SLC24A1: variants seen among roughly 807,000 people sequenced by gnomAD.
SLC24A1 encodes the protein solute carrier family 24 member 1.
Under a neutral mutation model 88.1 loss-of-function variants are expected in SLC24A1, and 52 were observed. That is an observed-to-expected ratio of 0.59 (90% confidence interval 0.47 to 0.74). SLC24A1 has a LOEUF of 0.74. SLC24A1 is among the 30% of genes least tolerant of loss of function. SLC24A1 has a pLI of 0.00. For synonymous variants in SLC24A1, 455 were observed against 498.0 expected, an observed-to-expected ratio of 0.91 and a Z score of 1.15; for missense variants, 1,173 against 1,363.3, an observed-to-expected ratio of 0.86 and a Z score of 2.20.
chr15:65,617,898 G>A (rs1036436450), upstream of SLC24A1, among the ~76,000 whole-genome samples: 1 of 151,966 alleles, frequency 6.6e-6, no homozygotes, highest in African/African-American at 2.4e-5. Flanking sequence ...CTAGAGACAG[G>A]GTCTTGCTAT....
intron 4 of SLC24A1, among the ~76,000 whole-genome samples, chr15:65,642,229 C>A (rs947770338): frequency 1.3e-5 from 2 of 152,174 alleles, no homozygotes; most frequent in African/African-American, 4.8e-5. Flanking sequence ...AGATGGCCGT[C>A]CAGATGTTTC....
At chr15:65,657,401 G>A (rs2075717246), downstream of SLC24A1, among the ~76,000 whole-genome samples, 1 of 152,118 alleles carries the variant, frequency 6.6e-6, no homozygotes, top group African/African-American at 2.4e-5. Flanking sequence ...CAGCACTTTG[G>A]GAGGCCAAGG....
At chr15:65,623,377 C>G (rs1352513679) in intron 1 of SLC24A1, among the ~76,000 whole-genome samples, 1 of 152,164 alleles carries the variant, frequency 6.6e-6, no homozygotes. Context: ...TCCCCATGAT[C>G]CTCCCACCAT....
chr15:65,611,551 A>T (rs533866234), exon 1 of SLC24A1: 2 of 265,032 alleles, frequency 7.5e-6, no homozygotes, highest in Non-Finnish European at 1.5e-5. Flanking sequence ...CACGAGCCCA[A>T]CCCTTCCTGC....
intron 2 of SLC24A1, among the ~76,000 whole-genome samples, chr15:65,637,456 A>T (rs1596326190): frequency 6.6e-6 from 1 of 152,248 alleles, no homozygotes; most frequent in African/African-American, 2.4e-5. Flanking sequence ...TTGAGTAGGC[A>T]GAAAGGAATG....
chr15:65,638,064 A>G (rs1362309483), intron 2 of SLC24A1, 64 bp from the exon 3 acceptor site: 7 of 1,127,644 alleles, frequency 6.2e-6, no homozygotes, highest in Non-Finnish European at 9.3e-6. Flanking sequence ...CCGTGGAGAA[A>G]GGGATGTAGG....
Position 65,625,845 on chromosome 15 carries a change from C to T in SLC24A1, c.1765C>T (p.Leu589=). The part of the protein sequence containing the change: ...SLIAWWESLL[L]LLAYAFYVFT... ...CATTGCCTGGTGGGAGAGCCTGCTG[C>T]TGCTGCTGGCCTATGCCTTCTATGT... The change falls in exon 2 of 10, where the codon CTG becomes TTG. Residue 589 remains leucine, a synonymous_variant. Coordinates refer to ENST00000261892, the MANE Select transcript of SLC24A1 (RefSeq NM_004727.3). 1.2e-6 allele frequency: 2 copies of T among 1,614,042 alleles called. No individual in the cohort carries two copies. Among genetic ancestry groups the T allele is most frequent in the Non-Finnish European group, 1.7e-6 (2 of 1,179,884 alleles).
At chr15:65,656,505 G>A (rs371708576), downstream of SLC24A1, among the ~76,000 whole-genome samples, 184 of 152,254 alleles carry the variant, frequency 1.2e-3, 3 homozygotes, top group South Asian at 0.037. Flanking sequence ...ATTTACAAAC[G>A]TACTATAATA....
At chr15:65,652,191 G>T in intron 8 of SLC24A1, 1 of 310,818 alleles carries the variant, frequency 3.2e-6, no homozygotes, top group Non-Finnish European at 6.2e-6. Context: ...TTGTTTACTA[G>T]CTTTCCTCTC....
chr15:65,613,362 T>G (rs2074031790), intron 2 of SLC24A1, among the ~76,000 whole-genome samples: 1 of 152,180 alleles, frequency 6.6e-6, no homozygotes, highest in Non-Finnish European at 1.5e-5. Flanking sequence ...TCTAGATATC[T>G]CAATCTCCCA....
intron 3 of SLC24A1, 59 bp from the exon 4 acceptor site, chr15:65,639,536 C>T (rs963882597): frequency 1.9e-5 from 20 of 1,055,862 alleles, no homozygotes; most frequent in South Asian, 8.0e-5. Context: ...GTGATGCCCT[C>T]GTGTGGTTCC....
chr15:65,651,789 AC>A, intron 8 of SLC24A1, 30 bp downstream of exon 8: 3 of 1,171,208 alleles, frequency 2.6e-6, no homozygotes, highest in Non-Finnish European at 3.9e-6. Context: ...GAAATCCTCT[AC>A]CAGCAGGTCC....
intron 2 of SLC24A1, among the ~76,000 whole-genome samples, chr15:65,615,198 T>G (rs1305523521): frequency 6.6e-6 from 1 of 151,510 alleles, no homozygotes; most frequent in African/African-American, 2.4e-5. Flanking sequence ...GGACAAGATC[T>G]TATCTCTAAA....
intron 2 of SLC24A1, among the ~76,000 whole-genome samples, chr15:65,616,902 A>G (rs917437262): frequency 1.3e-5 from 2 of 152,172 alleles, no homozygotes; most frequent in Admixed American, 6.5e-5. Context: ...TAATTTTTGT[A>G]TAAGGTGTAA....
chr15:65,647,334 C>T (rs995589370), intron 6 of SLC24A1, among the ~76,000 whole-genome samples: 7 of 151,730 alleles, frequency 4.6e-5, no homozygotes, highest in East Asian at 3.9e-4. Context: ...AAAAATTAGC[C>T]GGGTGTGGTG....
In SLC24A1 at chr15:65,644,440, G is replaced by C; in HGVS notation, c.2067G>C (p.Lys689Asn). 6.3e-7 allele frequency: 1 copy of C among 1,592,574 alleles called. No individual in the cohort carries two copies. Residue 689 changes from lysine (K) to asparagine (N), a missense_variant, in exon 5 of 10, where the codon AAG (lysine) becomes AAC (asparagine). By Grantham distance (94) the Lys-to-Asn change is moderately conservative. Transcript: ENST00000261892. ...TCTCATTTGCAGTTCGCCTTGCCAA[G>C]GAGAAGGAGGAGGAGAGCTTGAATC... ...LDPLREVRLA[K>N]EKEEESLNQG...
intron 2 of SLC24A1, among the ~76,000 whole-genome samples, chr15:65,615,551 C>T (rs1025378051): frequency 8.6e-5 from 13 of 151,760 alleles, no homozygotes; most frequent in Non-Finnish European, 1.6e-4. Context: ...GCTGTCATGG[C>T]GGGCACCTGT....
At position 65,650,527 on chromosome 15, in the gene SLC24A1, A is replaced by G. The variant is rs1208320126; in HGVS notation, c.2378A>G (p.Glu793Gly). 1 of 1,551,746 alleles carries G rather than the reference A, an allele frequency of 6.4e-7. No individual in the cohort carries two copies. The highest frequency in any genetic ancestry group is 2.0e-5 in the Admixed American group (1 of 50,972). The change falls in exon 7 of 10, where the codon GAA becomes GGA. Residue 793 changes from glutamate (E) to glycine (G), a missense_variant. Coordinates refer to ENST00000261892, the MANE Select transcript of SLC24A1 (RefSeq NM_004727.3). The surrounding 1 kb of genome is among the most constrained non-coding windows in gnomAD (Gnocchi z 4.1). ...ACTGAAACACAAGGAAAAGGAGAAGAATGTGAAGATGAAAATGAAGCAGAA... is the reference window on the plus strand; with the variant it reads ...ACTGAAACACAAGGAAAAGGAGAAGGATGTGAAGATGAAAATGAAGCAGAA... ...GETETQGKGE[E>G]CEDENEAEGK...
At chr15:65,652,887 G>C (rs2075553003) in intron 9 of SLC24A1, 79 bp downstream of exon 9, 1 of 1,198,782 alleles carries the variant, frequency 8.3e-7, no homozygotes, top group Non-Finnish European at 1.2e-6. Flanking sequence ...CTGGTTTTCT[G>C]CTTTATTCAT....
Sources: gnomAD v4.1 joint callset for allele counts (sites outside exome capture counted in the v4.1 genomes callset) on GRCh38, gnomAD v4.1.1 for gene constraint, Gnocchi (gnomAD v3.1) non-coding constraint, MANE v1.5 for transcripts, NCBI Gene and HGNC (gene_info 2026-07-23, HGNC 2026-07-21) for gene names.